Variants in MCHR2 observed in about 807,000 individuals in gnomAD.
The protein encoded by MCHR2 is melanin concentrating hormone receptor 2, also known as melanin-concentrating hormone receptor 2.
MCHR2 carries 15 observed loss-of-function variants against 24.8 expected under a neutral mutation model. That is an observed-to-expected ratio of 0.60 (90% CI 0.40 to 0.93). MCHR2 has a LOEUF of 0.93. Ranked by LOEUF, MCHR2 falls within the 40% of genes least tolerant of loss-of-function variation. MCHR2 has a pLI of 0.00. For synonymous variants in MCHR2, 151 were observed against 147.6 expected (o/e 1.02, Z -0.17); for missense variants, 386 against 408.7 (o/e 0.94, Z 0.48).
chr6:99,937,289 C>G (rs930960099), intron 4 of MCHR2, among the ~76,000 whole-genome samples: 1 of 151,836 alleles, frequency 6.6e-6, no homozygotes, highest in Admixed American at 6.6e-5. Context: ...TGTTGCAGAT[C>G]TTAGAGAAAA....
intron 5 of MCHR2, among the ~76,000 whole-genome samples, chr6:99,925,616 G>A (rs1774336269): frequency 6.6e-6 from 1 of 151,468 alleles, no homozygotes; most frequent in Non-Finnish European, 1.5e-5. Flanking sequence ...TATCTTATAA[G>A]GCATTATTTT....
At chr6:99,955,741 G>C (rs1047390737) in intron 2 of MCHR2, among the ~76,000 whole-genome samples, 2 of 152,114 alleles carry the variant, frequency 1.3e-5, no homozygotes, top group Admixed American at 1.3e-4. Flanking sequence ...TGACCCAGCA[G>C]TAAGCATTGG....
chr6:99,929,822 C>G lies in MCHR2; in HGVS notation c.707+4576G>C, dbSNP rs573206772. On this transcript the variant is annotated intron_variant, in intron 5 of 5. Coordinates refer to ENST00000281806, the MANE Select transcript of MCHR2 (RefSeq NM_001040179.2). ...GCCAGTCTGTGTCTTTTAATTGGAG[C>G]ATTTAGTCCATTTACATTTAAAGTT... Among the ~76,000 whole-genome samples, 11 of 150,006 alleles carry G rather than the reference C, an allele frequency of 7.3e-5. No homozygotes were observed. The South Asian group carries it at 8.7e-4, about 12-fold the overall frequency.
rs1562114778 is a variant in MCHR2 at position 99,920,797 on chromosome 6, A to G, written c.*143T>C. 5 of 779,456 alleles carry G rather than the reference A, an allele frequency of 6.4e-6. No individual in the cohort carries two copies. Among genetic ancestry groups the G allele is most frequent in the Admixed American group, 5.3e-5 (2 of 38,068 alleles). 48.3% of individuals were successfully genotyped at this position (779,456 alleles called of 1,614,324 possible). The stretch of plus-strand genomic sequence containing the variant: ...AGCATATTAAGCTCATTGTATTTGC[A>G]TGGTTACACTTCTCTTCCATGCTGC... On this transcript the variant is annotated 3_prime_UTR_variant, in exon 6 of 6. Transcript: ENST00000281806.
chr6:99,949,264 C>T (rs11155171), intron 2 of MCHR2, among the ~76,000 whole-genome samples: 2 of 151,928 alleles, frequency 1.3e-5, no homozygotes, highest in African/African-American at 2.4e-5. Context: ...TCTAGACATG[C>T]ATAAATAAAT....
At chr6:99,991,638 T>C (rs1363851691) in intron 1 of MCHR2, among the ~76,000 whole-genome samples, 2 of 151,656 alleles carry the variant, frequency 1.3e-5, no homozygotes, top group African/African-American at 4.8e-5. Flanking sequence ...AAACCCAGTC[T>C]CTACTAAAAA....
chr6:99,951,188 C>G (rs1399432896), intron 2 of MCHR2, among the ~76,000 whole-genome samples: 1 of 152,018 alleles, frequency 6.6e-6, no homozygotes, highest in East Asian at 1.9e-4. Flanking sequence ...GCTTCCTGCT[C>G]TTGTTAATCT....
chr6:99,955,685 T>C (rs1775045171), intron 2 of MCHR2, among the ~76,000 whole-genome samples: 1 of 152,100 alleles, frequency 6.6e-6, no homozygotes, highest in South Asian at 2.1e-4. Context: ...ATGATTCTAA[T>C]ATGCAGCTAA....
At chr6:99,987,220 C>A (rs533566470) in intron 1 of MCHR2, among the ~76,000 whole-genome samples, 186 of 152,182 alleles carry the variant, frequency 1.2e-3, no homozygotes, top group African/African-American at 4.1e-3. Context: ...CCTGCCTCAA[C>A]CTCCCAAGTA....
At chr6:99,922,207 T>C (rs1774252636) in intron 5 of MCHR2, among the ~76,000 whole-genome samples, 2 of 151,124 alleles carry the variant, frequency 1.3e-5, no homozygotes, top group African/African-American at 4.9e-5. Flanking sequence ...CCTGGGTTCA[T>C]GCCATTCTCC....
At chr6:99,986,063 CAT>C (rs1306761443) in intron 1 of MCHR2, among the ~76,000 whole-genome samples, 2 of 151,992 alleles carry the variant, frequency 1.3e-5, no homozygotes, top group African/African-American at 4.8e-5. Flanking sequence ...GGCCAAAAAA[CAT>C]ATGAAAAATG....
chr6:99,955,936 GAA>G (rs756442150), intron 2 of MCHR2, 28 bp downstream of exon 2: 8,954 of 1,197,842 alleles, frequency 7.5e-3, no homozygotes, highest in South Asian at 0.021. Flanking sequence ...AGTATGGAAG[GAA>G]AAAAAAAAAA....
At chr6:99,935,803 T>C (rs1774646929) in intron 4 of MCHR2, among the ~76,000 whole-genome samples, 1 of 151,784 alleles carries the variant, frequency 6.6e-6, no homozygotes, top group South Asian at 2.1e-4. Context: ...TAACAATATA[T>C]ATTCCCACCG....
intron 1 of MCHR2, among the ~76,000 whole-genome samples, chr6:99,972,429 G>C (rs1438469815): frequency 6.6e-6 from 1 of 151,988 alleles, no homozygotes; most frequent in Non-Finnish European, 1.5e-5. Flanking sequence ...ATTTTTTATT[G>C]CGTCTATTTG....
intron 1 of MCHR2, among the ~76,000 whole-genome samples, chr6:99,990,341 GTC>G (rs1254663194): frequency 9.2e-5 from 14 of 152,114 alleles, no homozygotes; most frequent in Non-Finnish European, 8.8e-5. Context: ...GTTTCTATCT[GTC>G]TCTCTTAATG....
intron 4 of MCHR2, among the ~76,000 whole-genome samples, chr6:99,935,657 C>G (rs754834367): frequency 1.7e-4 from 26 of 151,834 alleles, no homozygotes; most frequent in Non-Finnish European, 2.1e-4. Context: ...GTGAACAGTA[C>G]AGCAATAAAC....
Position 99,919,987 on chromosome 6 carries a change from A to G in MCHR2, c.*953T>C, listed in dbSNP as rs1774191231. ...GTGATCCACCTGCCTCCACCTCCCAAAGTGCTGGGATTACAGGCATGAGCC... is the reference window on the plus strand; with the variant it reads ...GTGATCCACCTGCCTCCACCTCCCAGAGTGCTGGGATTACAGGCATGAGCC... On this transcript the variant is annotated 3_prime_UTR_variant, in exon 6 of 6. Coordinates refer to ENST00000281806, the MANE Select transcript of MCHR2 (RefSeq NM_001040179.2). The G allele has an allele frequency of 6.6e-6, 1 of 152,154 alleles. No individual in the cohort carries two copies. Among genetic ancestry groups the G allele is most frequent in the Non-Finnish European group, 1.5e-5 (1 of 68,090 alleles). 9.4% of individuals were successfully genotyped at this position (152,154 alleles called of 1,614,324 possible).
rs1774207534 is a variant in MCHR2, at chr6:99,920,822, C to T, written c.*118G>A. 2 of 985,766 alleles carry T rather than the reference C, an allele frequency of 2.0e-6. No individual in the cohort carries two copies. Among genetic ancestry groups the T allele is most frequent in the Non-Finnish European group, 3.1e-6 (2 of 650,924 alleles). 61.1% of individuals were successfully genotyped at this position (985,766 alleles called of 1,614,324 possible). On this transcript the variant is annotated 3_prime_UTR_variant, in exon 6 of 6. Coordinates refer to ENST00000281806, the MANE Select transcript of MCHR2 (RefSeq NM_001040179.2). ...ATGGTTACACTTCTCTTCCATGCTG[C>T]TAAGAGTCACAAGTACACAAGAAGA...
At chr6:99,976,199 C>A (rs983032969) in intron 1 of MCHR2, among the ~76,000 whole-genome samples, 1 of 152,158 alleles carries the variant, frequency 6.6e-6, no homozygotes, top group Non-Finnish European at 1.5e-5. Context: ...CCTAACAAAC[C>A]TATATCTTTC....
Sources: gnomAD v4.1 joint callset for allele counts (sites outside exome capture counted in the v4.1 genomes callset) on GRCh38, gnomAD v4.1.1 for gene constraint, MANE v1.5 for transcripts, NCBI Gene and HGNC (gene_info 2026-07-23, HGNC 2026-07-21) for gene names.